Variants in GIGYF2 observed in about 807,000 individuals in gnomAD.
The protein encoded by GIGYF2 is GRB10 interacting GYF protein 2, also known as GRB10-interacting GYF protein 2.
A neutral mutation model predicts 208.1 loss-of-function variants in GIGYF2; 25 were observed. The ratio of observed to expected loss-of-function variants is 0.12; its 90% CI spans 0.09 to 0.17. GIGYF2 has a LOEUF of 0.17. GIGYF2 is among the 10% of genes least tolerant of loss of function. The pLI is 1.00. For missense variants in GIGYF2, 1,302 were observed against 1,579.4 expected, an observed-to-expected ratio of 0.82 and a Z score of 2.98; for synonymous variants, 534 against 543.8, an observed-to-expected ratio of 0.98 and a Z score of 0.25.
At chr2:232,707,066 C>A (rs1437453026) in intron 2 of GIGYF2, among the ~76,000 whole-genome samples, 1 of 151,266 alleles carries the variant, frequency 6.6e-6, no homozygotes. Flanking sequence ...TGTAATTTTT[C>A]CTAAAATATT....
intron 2 of GIGYF2, among the ~76,000 whole-genome samples, chr2:232,712,585 A>C (rs952678599): frequency 6.6e-6 from 1 of 152,232 alleles, no homozygotes; most frequent in Admixed American, 6.5e-5. Context: ...AGTCTGTGCA[A>C]GTGTCAACAC....
chr2:232,756,360 TAATG>T (rs1698541883), intron 6 of GIGYF2, 26 bp downstream of exon 6: 3 of 1,196,672 alleles, frequency 2.5e-6, no homozygotes, highest in Non-Finnish European at 3.6e-6. Flanking sequence ...AAAAAAGTAA[TAATG>T]GAGGAGGAGG....
rs139588188 is a variant in GIGYF2, at chr2:232,853,188, T to C, written c.3832+2779T>C. The stretch of plus-strand genomic sequence containing the variant: ...TATACTGAGAAAAAATTAATAACTA[T>C]CCATTAGCTACACATTCCCCATGCA... On this transcript the variant is annotated intron_variant, in intron 28 of 28. Coordinates refer to ENST00000373563, the MANE Select transcript of GIGYF2 (RefSeq NM_001103146.3). Among the ~76,000 whole-genome samples the C allele has an allele frequency of 2.0e-3, 303 of 152,348 alleles. 2 individuals carry two copies. Among genetic ancestry groups the C allele is most frequent in the African/African-American group, 7.0e-3 (293 of 41,576 alleles).
At position 232,791,248 on chromosome 2, in the gene GIGYF2, C is replaced by T. The variant is rs1700062093; in HGVS notation, c.1094-10C>T. ...TTCGTAAGTTCAACTAAGATTACTTCGTGTTCCAGAAGCTAGTGAGGAAAC... is the reference window on the plus strand; with the variant it reads ...TTCGTAAGTTCAACTAAGATTACTTTGTGTTCCAGAAGCTAGTGAGGAAAC... On this transcript the variant is annotated splice_polypyrimidine_tract_variant and intron_variant, in intron 11 of 28. Transcript: ENST00000373563. The T allele has an allele frequency of 1.9e-6, 3 of 1,613,916 alleles. No individual in the cohort carries two copies. The highest frequency in any genetic ancestry group is 2.5e-6 in the Non-Finnish European group (3 of 1,179,838).
At chr2:232,762,228 T>C (rs79257484) in intron 8 of GIGYF2, among the ~76,000 whole-genome samples, 5 of 120,638 alleles carry the variant, frequency 4.1e-5, no homozygotes, top group South Asian at 2.6e-4. Context: ...AATCATGTCT[T>C]TTTTTTTTTG....
At chr2:232,738,457 C>G (rs1474489245) in intron 3 of GIGYF2, among the ~76,000 whole-genome samples, 2 of 152,170 alleles carry the variant, frequency 1.3e-5, no homozygotes, top group East Asian at 1.9e-4. Context: ...CTCCCTATCT[C>G]TCTTCCTTGC....
chr2:232,700,529 A>T (rs1218314589), intron 1 of GIGYF2: 1 of 152,210 alleles, frequency 6.6e-6, no homozygotes, highest in Admixed American at 6.5e-5. Flanking sequence ...GCAGTTCTCC[A>T]TTAGCTCCTG....
intron 8 of GIGYF2, among the ~76,000 whole-genome samples, chr2:232,770,640 A>G (rs1003101674): frequency 6.6e-6 from 1 of 152,000 alleles, no homozygotes; most frequent in Non-Finnish European, 1.5e-5. Flanking sequence ...TATTTCTGCA[A>G]TTTAGTATCA....
At chr2:232,736,796 C>T (rs766447626) in intron 3 of GIGYF2, 3 of 152,078 alleles carry the variant, frequency 2.0e-5, no homozygotes, top group Non-Finnish European at 2.9e-5. Context: ...TATTTACATA[C>T]CCTCATGTCT....
At chr2:232,819,434 A>C (rs929670208) in intron 20 of GIGYF2, among the ~76,000 whole-genome samples, 2 of 152,116 alleles carry the variant, frequency 1.3e-5, no homozygotes, top group Non-Finnish European at 2.9e-5. Context: ...TTTGGTGGCT[A>C]TGTTGATTTG....
chr2:232,727,759 A>G (rs1195127534), intron 2 of GIGYF2, among the ~76,000 whole-genome samples: 2 of 152,056 alleles, frequency 1.3e-5, no homozygotes, highest in Non-Finnish European at 2.9e-5. Context: ...GCCTTATTCA[A>G]TTTTTGATTG....
chr2:232,839,391 G>A (rs1701749135), intron 22 of GIGYF2, among the ~76,000 whole-genome samples: 1 of 152,202 alleles, frequency 6.6e-6, no homozygotes, highest in Non-Finnish European at 1.5e-5. Context: ...CATCTCTCAT[G>A]AGATGAGAAA....
At chr2:232,840,030 AT>A in intron 23 of GIGYF2, 59 bp downstream of exon 23, 1 of 1,531,022 alleles carries the variant, frequency 6.5e-7, no homozygotes, top group Non-Finnish European at 9.0e-7. Context: ...TCTAGCATGC[AT>A]TATGGGTTAG....
chr2:232,844,251 A>C lies in GIGYF2; in HGVS notation c.3095A>C (p.Asn1032Thr). The change falls in exon 24 of 29, where the codon AAT becomes ACT. Residue 1032 changes from asparagine to threonine, a missense_variant. Physicochemically the swap from Asn to Thr is moderately conservative, Grantham distance 65. Coordinates refer to ENST00000373563, the MANE Select transcript of GIGYF2 (RefSeq NM_001103146.3). The part of the protein sequence containing the change: ...QHQQPNRARN[N>T]THSNLHTSIG... ...CAGCAACCAAACAGAGCTCGTAACA[A>C]TACGGTGTGTGCATTTTCCTAAGCT... is the stretch of plus-strand genomic sequence containing the variant. 1 of 1,583,402 alleles carries C rather than the reference A, an allele frequency of 6.3e-7. No homozygotes were observed. Among genetic ancestry groups the C allele is most frequent in the Non-Finnish European group, 8.6e-7 (1 of 1,163,334 alleles).
At chr2:232,764,206 A>T (rs1698858185) in intron 8 of GIGYF2, among the ~76,000 whole-genome samples, 1 of 152,242 alleles carries the variant, frequency 6.6e-6, no homozygotes, top group African/African-American at 2.4e-5. Flanking sequence ...ACATAAGGAA[A>T]TTACAGAATT....
intron 25 of GIGYF2, among the ~76,000 whole-genome samples, chr2:232,845,244 G>C (rs1421831337): frequency 6.6e-6 from 1 of 152,220 alleles, no homozygotes; most frequent in Non-Finnish European, 1.5e-5. Flanking sequence ...CTGGCACATA[G>C]TAACTACTTA....
chr2:232,720,589 G>A (rs6755070), intron 2 of GIGYF2, among the ~76,000 whole-genome samples: 14 of 135,738 alleles, frequency 1.0e-4, no homozygotes, highest in South Asian at 2.3e-4. Flanking sequence ...ATATATTTTT[G>A]TTTGTTTGTT....
chr2:232,785,150 A>G (rs901861371), intron 8 of GIGYF2, among the ~76,000 whole-genome samples: 1 of 151,922 alleles, frequency 6.6e-6, no homozygotes, highest in African/African-American at 2.4e-5. Context: ...TGCAAAATGG[A>G]CTAATAAACC....
At chr2:232,754,915 T>C (rs2106319912) in intron 5 of GIGYF2, among the ~76,000 whole-genome samples, 1 of 152,156 alleles carries the variant, frequency 6.6e-6, no homozygotes, top group East Asian at 1.9e-4. Context: ...TTTACACTGA[T>C]AAAGTTCCTA....
Sources: gnomAD v4.1 joint callset for allele counts (sites outside exome capture counted in the v4.1 genomes callset) on GRCh38, gnomAD v4.1.1 for gene constraint, MANE v1.5 for transcripts, NCBI Gene and HGNC (gene_info 2026-07-23, HGNC 2026-07-21) for gene names.